The following FHIT variants were observed in gnomAD, a reference collection of about 807,000 sequenced individuals.
The protein encoded by FHIT is bis(5'-adenosyl)-triphosphatase.
FHIT carries 19 observed loss-of-function variants against 17.9 expected under a neutral mutation model. The observed-to-expected ratio is 1.06, with a 90% CI of 0.74 to 1.56. The LOEUF (loss-of-function observed/expected upper bound fraction) is 1.56, where lower values mean the gene tolerates loss of function less well. Ranked by LOEUF, FHIT falls within the 40% of genes most tolerant of loss-of-function variation. The pLI, the probability that FHIT is intolerant of heterozygous loss-of-function variation, is 0.00. For missense variants in FHIT, 248 were observed against 189.2 expected (o/e 1.31, Z -1.82); for synonymous variants, 81 against 69.7 (o/e 1.16, Z -0.81).
intron 4 of FHIT, among the ~76,000 whole-genome samples, chr3:60,634,036 C>A (rs1419914229): frequency 6.6e-6 from 1 of 152,170 alleles, no homozygotes; most frequent in Non-Finnish European, 1.5e-5. Context: ...AAGTAGAAAT[C>A]ACTGGACTTT....
At chr3:60,409,911 A>C (rs1312466207) in intron 5 of FHIT, among the ~76,000 whole-genome samples, 1 of 152,192 alleles carries the variant, frequency 6.6e-6, no homozygotes, top group African/African-American at 2.4e-5. Flanking sequence ...TATGCATTCC[A>C]TCTGTTTAAA....
intron 4 of FHIT, among the ~76,000 whole-genome samples, chr3:60,599,563 T>TG (rs1177735873): frequency 6.6e-6 from 1 of 152,016 alleles, no homozygotes; most frequent in Non-Finnish European, 1.5e-5. Context: ...ACTTAACCAT[T>TG]GTGGGGAAGA....
chr3:60,372,343 T>A (rs920468372), intron 5 of FHIT, among the ~76,000 whole-genome samples: 3 of 152,218 alleles, frequency 2.0e-5, no homozygotes, highest in Admixed American at 2.0e-4. Flanking sequence ...TTGGAAATTC[T>A]TATTAACATT....
chr3:60,141,542 G>C (rs999611470), intron 5 of FHIT, among the ~76,000 whole-genome samples: 4 of 152,122 alleles, frequency 2.6e-5, no homozygotes, highest in Non-Finnish European at 5.9e-5. Flanking sequence ...GCCTTTGCTT[G>C]TCATCAAACT....
chr3:60,976,881 GTT>G (rs75027281), intron 3 of FHIT, among the ~76,000 whole-genome samples: 16 of 145,662 alleles, frequency 1.1e-4, no homozygotes, highest in Middle Eastern at 3.6e-3. Flanking sequence ...CTGAATACTT[GTT>G]TTTTTTTTTT....
intron 5 of FHIT, among the ~76,000 whole-genome samples, chr3:60,440,966 G>A (rs1012003372): frequency 3.3e-5 from 5 of 152,050 alleles, no homozygotes; most frequent in African/African-American, 4.8e-5. Flanking sequence ...CAAGAGAAAT[G>A]TATTATGAAC....
intron 5 of FHIT, among the ~76,000 whole-genome samples, chr3:60,198,876 A>G (rs1702766897): frequency 6.6e-6 from 1 of 152,196 alleles, no homozygotes; most frequent in Admixed American, 6.5e-5. Flanking sequence ...AAGGCTTATT[A>G]ATAATCTACA....
chr3:60,004,517 T>C (rs1699849643), intron 7 of FHIT, among the ~76,000 whole-genome samples: 1 of 152,188 alleles, frequency 6.6e-6, no homozygotes, highest in African/African-American at 2.4e-5. Flanking sequence ...TGGATATTTT[T>C]AGATGGAAAC....
At chr3:61,143,941 C>T (rs2037157830) in intron 2 of FHIT, among the ~76,000 whole-genome samples, 1 of 152,130 alleles carries the variant, frequency 6.6e-6, no homozygotes, top group South Asian at 2.1e-4. Flanking sequence ...TCTTTTGTCT[C>T]TAGTAGTGTA....
At chr3:60,520,418 G>A (rs747339558) in intron 5 of FHIT, among the ~76,000 whole-genome samples, 5 of 152,026 alleles carry the variant, frequency 3.3e-5, no homozygotes, top group Non-Finnish European at 7.4e-5. Context: ...TACCTCCTGT[G>A]TACGGATTAT....
At chr3:60,090,067 G>A (rs753880607) in intron 5 of FHIT, among the ~76,000 whole-genome samples, 24 of 152,120 alleles carry the variant, frequency 1.6e-4, no homozygotes, top group Non-Finnish European at 1.6e-4. Flanking sequence ...AAAAGTGAGT[G>A]TTCCTTCTTG....
At chr3:59,977,677 C>T (rs1160949162) in intron 7 of FHIT, among the ~76,000 whole-genome samples, 1 of 152,124 alleles carries the variant, frequency 6.6e-6, no homozygotes, top group Admixed American at 6.6e-5. Flanking sequence ...GAAACTATTC[C>T]TGTCCATAGT....
chr3:60,647,187 T>C (rs1202064610), intron 4 of FHIT, among the ~76,000 whole-genome samples: 2 of 152,226 alleles, frequency 1.3e-5, no homozygotes, highest in African/African-American at 4.8e-5. Flanking sequence ...CTCTCTTTAC[T>C]TGCTTTAGCG....
At chr3:60,656,185 C>T (rs1365014895) in intron 4 of FHIT, among the ~76,000 whole-genome samples, 1 of 152,198 alleles carries the variant, frequency 6.6e-6, no homozygotes, top group Non-Finnish European at 1.5e-5. Flanking sequence ...AGCAGGACCT[C>T]TGAACTCCTG....
At chr3:60,209,306 A>G (rs1576312040) in intron 5 of FHIT, among the ~76,000 whole-genome samples, 1 of 152,218 alleles carries the variant, frequency 6.6e-6, no homozygotes, top group African/African-American at 2.4e-5. Context: ...GTATGTGCAC[A>G]GCTATATTAC....
At position 59,770,368 on chromosome 3, in the gene FHIT, G is replaced by A. The variant is rs1208003920; in HGVS notation, c.349-18047C>T. On this transcript the variant is annotated intron_variant, in intron 8 of 9. Transcript: ENST00000492590. ...TGTAGAGGTAATCAGGTTAAAAGAA[G>A]GGCATTAGGGTCAGCCTTAATCTAA... Among the ~76,000 whole-genome samples, 79 of 152,166 alleles carry A rather than the reference G, an allele frequency of 5.2e-4. 2 individuals carry two copies. Among genetic ancestry groups the A allele is most frequent in the Admixed American group, 5.2e-3 (79 of 15,280 alleles).
At chr3:59,973,548 CCA>C (rs2107396642) in intron 7 of FHIT, among the ~76,000 whole-genome samples, 1 of 152,158 alleles carries the variant, frequency 6.6e-6, no homozygotes, top group Non-Finnish European at 1.5e-5. Flanking sequence ...TCCAACTAGG[CCA>C]GTTTTCCCTA....
intron 5 of FHIT, among the ~76,000 whole-genome samples, chr3:60,185,035 T>C (rs142631152): frequency 1.3e-5 from 2 of 152,288 alleles, no homozygotes; most frequent in East Asian, 1.9e-4. Flanking sequence ...AGGCTCATCA[T>C]GTATATTTCT....
In FHIT at chr3:60,834,242, T is replaced by G. The variant is rs188888042; in HGVS notation, c.-110-12231A>C. The stretch of plus-strand genomic sequence containing the variant: ...TTTTACATTCTCACCAGTAACACAA[T>G]TTCTCTGCATCCTCACCAGAATTTG... On this transcript the variant is annotated intron_variant, in intron 3 of 9. Transcript: ENST00000492590. Among the ~76,000 whole-genome samples the G allele has an allele frequency of 1.8e-3, 272 of 152,332 alleles. 2 individuals are homozygous for G. Among genetic ancestry groups the G allele is most frequent in the African/African-American group, 6.4e-3 (268 of 41,580 alleles).
Sources: allele counts gnomAD v4.1 joint callset (sites outside exome capture counted in the v4.1 genomes callset), GRCh38; gene constraint gnomAD v4.1.1; transcripts MANE v1.5; gene names NCBI Gene and HGNC (gene_info 2026-07-23, HGNC 2026-07-21).